RPS6KL1: variants seen among roughly 807,000 people sequenced by gnomAD.
RPS6KL1 encodes ribosomal protein S6 kinase-like 1.
A neutral mutation model predicts 57.0 loss-of-function variants in RPS6KL1; 41 were observed. That is an observed-to-expected ratio of 0.72 (90% CI 0.56 to 0.93). The LOEUF (loss-of-function observed/expected upper bound fraction) is 0.93. Among genes scored for constraint, RPS6KL1 ranks in the 40% least tolerant of loss-of-function variants. The pLI, the probability that RPS6KL1 is intolerant of heterozygous loss-of-function variation, is 0.00. For missense variants in RPS6KL1, 697 were observed against 727.7 expected (o/e 0.96, Z 0.49); for synonymous variants, 287 against 309.7 (o/e 0.93, Z 0.77).
At chr14:74,915,344 C>T (rs534157607) in intron 5 of RPS6KL1, among the ~76,000 whole-genome samples, 6 of 152,238 alleles carry the variant, frequency 3.9e-5, no homozygotes, top group African/African-American at 1.2e-4. Flanking sequence ...ATACAACTGT[C>T]GGGTGAGCCT....
At chr14:74,919,669 G>A (rs1410943643) in intron 4 of RPS6KL1, among the ~76,000 whole-genome samples, 176 bp downstream of exon 4, 1 of 152,200 alleles carries the variant, frequency 6.6e-6, no homozygotes, top group African/African-American at 2.4e-5. Context: ...GGGAGAGAGA[G>A]GAAGCCAGGA....
At chr14:74,908,970 A>G in intron 9 of RPS6KL1, 38 bp from the exon 10 acceptor site, 1 of 1,590,732 alleles carries the variant, frequency 6.3e-7, no homozygotes, top group Non-Finnish European at 8.6e-7. Context: ...AGCCTCACCT[A>G]AGAGGGCCTC....
At chr14:74,918,696 G>A in intron 4 of RPS6KL1, 91 bp from the exon 5 acceptor site, 1 of 950,680 alleles carries the variant, frequency 1.1e-6, no homozygotes, top group East Asian at 2.8e-5. Context: ...AGGGGCTTCT[G>A]GATGCAAGGA....
chr14:74,919,760 C>T (rs1461449551), intron 4 of RPS6KL1, 85 bp downstream of exon 4: 19 of 1,466,212 alleles, frequency 1.3e-5, no homozygotes, highest in African/African-American at 1.2e-4. Flanking sequence ...CAGCCCAGGG[C>T]GGGCCTGTGG....
rs150276422 is a variant in RPS6KL1 at position 74,916,331 on chromosome 14, G to A, written c.483+2182C>T. Among the ~76,000 whole-genome samples, 12 of 152,238 alleles carry A rather than the reference G, an allele frequency of 7.9e-5. 1 individual carries two copies. The highest frequency in any genetic ancestry group is 2.9e-4 in the African/African-American group (12 of 41,534). ...AAGGAAGTAGGATCTCAGGAGGGAG[G>A]TGAAGTCCTTAAGTTGAGTACCCAA... On this transcript the variant is annotated intron_variant, in intron 5 of 11. Coordinates refer to ENST00000557413, the MANE Select transcript of RPS6KL1 (RefSeq NM_031464.5).
intron 10 of RPS6KL1, 129 bp from the exon 11 acceptor site, chr14:74,907,659 G>T: frequency 1.2e-6 from 1 of 833,296 alleles, no homozygotes; most frequent in Non-Finnish European, 1.8e-6. Context: ...AGTTGCTACA[G>T]CCAGACACAG....
intron 8 of RPS6KL1, 107 bp downstream of exon 8, chr14:74,909,433 GGCC>G: frequency 7.1e-7 from 1 of 1,400,926 alleles, no homozygotes; most frequent in Non-Finnish European, 9.6e-7. Context: ...GGCTGGCTGG[GGCC>G]AGGGAGGAGC....
Position 74,918,508 on chromosome 14 carries a change from C to T in RPS6KL1, c.483+5G>A. On this transcript the variant is annotated splice_donor_5th_base_variant and intron_variant, in intron 5 of 11. Coordinates refer to ENST00000557413, the MANE Select transcript of RPS6KL1 (RefSeq NM_031464.5). ...CTCCTGCAAGGCGAGTGTCCACTCA[C>T]TCACCTTCTCGATGACCCCGACCAC... 1 of 1,527,958 alleles carries T rather than the reference C, an allele frequency of 6.5e-7. No homozygotes were observed. Among genetic ancestry groups the T allele is most frequent in the South Asian group, 1.2e-5 (1 of 82,376 alleles). 94.7% of individuals were successfully genotyped at this position (1,527,958 alleles called of 1,614,324 possible).
At position 74,908,915 on chromosome 14, in the gene RPS6KL1, C is replaced by G. The variant is rs148351182; in HGVS notation, c.1378G>C (p.Glu460Gln). 4 of 1,613,740 alleles carry G rather than the reference C, an allele frequency of 2.5e-6. No homozygotes were observed. The highest frequency in any genetic ancestry group is 3.4e-6 in the Non-Finnish European group (4 of 1,179,774). ...CACCAGTCACAGGCTTCCGTCAGCT[C>G]GGAAATCCCACCCACCTCTGTGGGA... ...YSAPEVGGIS[E>Q]LTEACDWWSF... The change falls in exon 10 of 12, where the codon GAG becomes CAG. Residue 460 changes from glutamate (E) to glutamine (Q), a missense_variant. Transcript: ENST00000557413.
rs1171909062 is a variant in RPS6KL1, at chr14:74,923,160, G to C, written c.-529+20C>G. On this transcript the variant is annotated intron_variant, in intron 1 of 11. Transcript: ENST00000557413. ...CCCTCGCCTGGGAGGGTGGAGAAGG[G>C]ACCGGACAAAACACCGTACCTGCCC... is the stretch of plus-strand genomic sequence containing the variant. 6.6e-6 allele frequency: 1 copy of C among 152,296 alleles called. No homozygotes were observed. Among genetic ancestry groups the C allele is most frequent in the Non-Finnish European group, 1.5e-5 (1 of 68,146 alleles). The allele number at this position is 152,296 out of a possible 1,614,324, so 9.4% of individuals were successfully genotyped here.
chr14:74,908,769 G>A, intron 10 of RPS6KL1, 81 bp downstream of exon 10: 1 of 1,284,826 alleles, frequency 7.8e-7, no homozygotes, highest in Non-Finnish European at 1.1e-6. Flanking sequence ...TCTCTGCCCA[G>A]ACTGGCTGGA....
intron 11 of RPS6KL1, 90 bp from the exon 12 acceptor site, chr14:74,907,214 G>T: frequency 7.3e-7 from 1 of 1,362,266 alleles, no homozygotes. Flanking sequence ...GCCTCTAGGG[G>T]GCCTGCTCCC....
At chr14:74,907,358 T>A (rs1566809117) in intron 11 of RPS6KL1, 77 bp downstream of exon 11, 2 of 1,518,194 alleles carry the variant, frequency 1.3e-6, no homozygotes, top group Middle Eastern at 2.1e-4. Context: ...CACACGTGGT[T>A]CAGACACAGT....
rs757623841 is a variant in RPS6KL1 at position 74,909,201 on chromosome 14, T to C, written c.1271-11A>G. On this transcript the variant is annotated splice_polypyrimidine_tract_variant and intron_variant, in intron 8 of 11. Coordinates refer to ENST00000557413, the MANE Select transcript of RPS6KL1 (RefSeq NM_031464.5). ...TGAGCCGGATGTGACCTCCAGTGTG[T>C]GGGAGGAAAAAGGAGGGGACAGATT... 3 of 1,613,040 alleles carry C rather than the reference T, an allele frequency of 1.9e-6. No homozygotes were observed. Among genetic ancestry groups the C allele is most frequent in the Non-Finnish European group, 2.5e-6 (3 of 1,179,130 alleles).
At position 74,918,334 on chromosome 14, in the gene RPS6KL1, G is replaced by A. The variant is rs1887207789; in HGVS notation, c.483+179C>T. Among the ~76,000 whole-genome samples, 4 of 152,096 alleles carry A rather than the reference G, an allele frequency of 2.6e-5. No homozygotes were observed. The South Asian group carries it at 8.3e-4, about 32-fold the overall frequency. On this transcript the variant is annotated intron_variant, in intron 5 of 11. Coordinates refer to ENST00000557413, the MANE Select transcript of RPS6KL1 (RefSeq NM_031464.5). Reference sequence around the variant, plus strand: ...TCATGCGTGTTAGGGATGGGGGAGAGGTGGGAACTGCTGGAAACAACTGCA... The same window carrying A: ...TCATGCGTGTTAGGGATGGGGGAGAAGTGGGAACTGCTGGAAACAACTGCA...
Position 74,905,749 on chromosome 14 carries a change from C to CA in RPS6KL1, c.*1264dup, listed in dbSNP as rs943397730. 3.3e-5 allele frequency: 5 copies of CA among 152,374 alleles called. No individual in the cohort carries two copies. The highest frequency in any genetic ancestry group is 5.9e-5 in the Non-Finnish European group (4 of 68,170). 9.4% of individuals were successfully genotyped at this position (152,374 alleles called of 1,614,324 possible). On this transcript the variant is annotated 3_prime_UTR_variant, in exon 12 of 12. Transcript: ENST00000557413. ...GCGCTTTCACTTGTCTTCTCTGTCT[C>CA]AGTCTCCTGAAGAGCCCGAGGAAGT...
At chr14:74,912,172 G>A (rs999785271) in intron 5 of RPS6KL1, among the ~76,000 whole-genome samples, 1 of 152,130 alleles carries the variant, frequency 6.6e-6, no homozygotes, top group East Asian at 1.9e-4. Flanking sequence ...ACTGGACTGT[G>A]AGCTCAGTAT....
chr14:74,911,813 C>T lies in RPS6KL1; in HGVS notation c.512G>A (p.Gly171Glu). ...KVQLVQDPAT[G>E]GTFVVKSLPR... ...ACCTGCCTTCACCACAAAGGTCCCTCCGGTTGCCGGGTCCTGGACCAGCTG... is the reference window on the plus strand; with the variant it reads ...ACCTGCCTTCACCACAAAGGTCCCTTCGGTTGCCGGGTCCTGGACCAGCTG... The change falls in exon 6 of 12, where the codon GGA (glycine) becomes GAA (glutamate). Residue 171 changes from glycine to glutamate, a missense_variant. Coordinates refer to ENST00000557413, the MANE Select transcript of RPS6KL1 (RefSeq NM_031464.5). 6.4e-7 allele frequency: 1 copy of T among 1,553,830 alleles called. No homozygotes were observed. The highest frequency in any genetic ancestry group is 8.7e-7 in the Non-Finnish European group (1 of 1,148,500).
At chr14:74,912,186 C>T (rs571996602) in intron 5 of RPS6KL1, among the ~76,000 whole-genome samples, 87 of 152,244 alleles carry the variant, frequency 5.7e-4, no homozygotes, top group African/African-American at 1.9e-3. Context: ...TCAGTATTCC[C>T]GGAGCCCTGC....
Sources: gnomAD v4.1 joint callset for allele counts (sites outside exome capture counted in the v4.1 genomes callset) on GRCh38, gnomAD v4.1.1 for gene constraint, MANE v1.5 for transcripts, NCBI Gene and HGNC (gene_info 2026-07-23, HGNC 2026-07-21) for gene names.